Variants in MCC observed in about 807,000 individuals in gnomAD.
MCC encodes the protein MCC regulator of Wnt signaling pathway.
Under a neutral mutation model 116.2 loss-of-function variants are expected in MCC, and 90 were observed. The observed-to-expected ratio is 0.77, with a 90% CI of 0.65 to 0.92. The LOEUF is 0.92. MCC is among the 40% of genes least tolerant of loss of function. The pLI is 0.00. For synonymous variants in MCC, 578 were observed against 510.5 expected (o/e 1.13, Z -1.78); for missense variants, 1,516 against 1,312.2 (o/e 1.16, Z -2.40).
intron 2 of MCC, among the ~76,000 whole-genome samples, chr5:113,348,084 A>AAG (rs1357254228): frequency 2.6e-5 from 4 of 152,080 alleles, no homozygotes; most frequent in African/African-American, 7.2e-5. Context: ...ATTAGAGCTA[A>AAG]AGAGAGAGAG....
In MCC at chr5:113,359,158, A is replaced by G. The variant is rs143795549; in HGVS notation, c.416-18428T>C. 4.9e-3 allele frequency among the ~76,000 whole-genome samples: 751 copies of G among 152,298 alleles called. 7 individuals are homozygous for G. The highest frequency in any genetic ancestry group is 0.017 in the African/African-American group (719 of 41,564). On this transcript the variant is annotated intron_variant, in intron 2 of 18. Transcript: ENST00000408903. ...TTAGTGTCTTATTTAGAACATATAT[A>G]TGTTACACATATCCTATCTAGGGCC...
chr5:113,160,074 A>C (rs867393580), intron 3 of MCC, among the ~76,000 whole-genome samples: 1 of 152,118 alleles, frequency 6.6e-6, no homozygotes, highest in African/African-American at 2.4e-5. Flanking sequence ...CTCCTTCAAC[A>C]CCGCAGCAGT....
intron 1 of MCC, among the ~76,000 whole-genome samples, chr5:113,459,418 G>T (rs1159888404): frequency 6.6e-6 from 1 of 151,756 alleles, no homozygotes; most frequent in African/African-American, 2.4e-5. Flanking sequence ...GGTGCCTGTA[G>T]TCCCAGCTAC....
intron 3 of MCC, among the ~76,000 whole-genome samples, chr5:113,210,378 G>T (rs1763084079): frequency 6.7e-6 from 1 of 150,048 alleles, no homozygotes; most frequent in Non-Finnish European, 1.5e-5. Flanking sequence ...TGCATATGAA[G>T]CCCATATCTT....
At chr5:113,212,949 A>G (rs1008690889) in intron 3 of MCC, among the ~76,000 whole-genome samples, 4 of 152,156 alleles carry the variant, frequency 2.6e-5, no homozygotes, top group Non-Finnish European at 5.9e-5. Flanking sequence ...TTTACCTGTC[A>G]TTTACTTTAA....
At chr5:113,413,666 T>C (rs1770058135) in intron 1 of MCC, among the ~76,000 whole-genome samples, 1 of 152,190 alleles carries the variant, frequency 6.6e-6, no homozygotes, top group Non-Finnish European at 1.5e-5. Context: ...CTCTCTTTTC[T>C]TCTTTATTAG....
At chr5:113,405,792 C>T (rs544628129) in intron 1 of MCC, among the ~76,000 whole-genome samples, 50 of 150,754 alleles carry the variant, frequency 3.3e-4, no homozygotes, top group African/African-American at 9.8e-4. Flanking sequence ...AGGTGATGAG[C>T]GAGACCCTAT....
At chr5:113,121,015 C>T (rs1208522739) in intron 6 of MCC, among the ~76,000 whole-genome samples, 1 of 152,222 alleles carries the variant, frequency 6.6e-6, no homozygotes, top group Non-Finnish European at 1.5e-5. Context: ...GCCCTATTGG[C>T]GAATGGCCCT....
chr5:113,226,055 A>T (rs1581276413), intron 3 of MCC, among the ~76,000 whole-genome samples: 1 of 152,384 alleles, frequency 6.6e-6, no homozygotes, highest in East Asian at 1.9e-4. Context: ...AGGTGCCTGT[A>T]ATTCCAGCTA....
intron 3 of MCC, among the ~76,000 whole-genome samples, chr5:113,311,211 C>A (rs1767127657): frequency 6.6e-6 from 1 of 152,212 alleles, no homozygotes; most frequent in African/African-American, 2.4e-5. Flanking sequence ...TGGCCCCATA[C>A]TTTACCCATG....
At chr5:113,230,038 G>A (rs1763886196) in intron 3 of MCC, among the ~76,000 whole-genome samples, 5 of 152,164 alleles carry the variant, frequency 3.3e-5, no homozygotes, top group Admixed American at 3.3e-4. Flanking sequence ...GTCAAAGGAT[G>A]GAAGCAAATT....
intron 2 of MCC, among the ~76,000 whole-genome samples, chr5:113,343,554 C>A (rs1373115011): frequency 6.6e-6 from 1 of 152,228 alleles, no homozygotes; most frequent in African/African-American, 2.4e-5. Flanking sequence ...GGAGTCCCCA[C>A]ATTGGACTGA....
chr5:113,441,048 G>T (rs961769599), intron 1 of MCC, among the ~76,000 whole-genome samples: 1 of 152,154 alleles, frequency 6.6e-6, no homozygotes, highest in Non-Finnish European at 1.5e-5. Flanking sequence ...AAAAAAACAA[G>T]TTCTGTCAAG....
intron 1 of MCC, among the ~76,000 whole-genome samples, chr5:113,465,343 T>C (rs1771872354): frequency 6.6e-6 from 1 of 152,120 alleles, no homozygotes. Context: ...AAAATTATGT[T>C]TTCTATCATG....
chr5:113,166,705 T>TTA (rs1554061299), intron 3 of MCC, among the ~76,000 whole-genome samples: 1 of 122,508 alleles, frequency 8.2e-6, no homozygotes, highest in African/African-American at 3.1e-5. Context: ...ATCATTTATT[T>TTA]AAAAAAAAAA....
rs73778920 is a variant in MCC, at chr5:113,093,198, G to C, written c.1399-7888C>G. On this transcript the variant is annotated intron_variant, in intron 8 of 18. Transcript: ENST00000408903. ...GGATATTATATGGGATAAATTATTTGCAAGGAATAAATTAAAAGAGGGACC... is the reference window on the plus strand; with the variant it reads ...GGATATTATATGGGATAAATTATTTCCAAGGAATAAATTAAAAGAGGGACC... Among the ~76,000 whole-genome samples, 1,133 of 152,288 alleles carry C rather than the reference G, an allele frequency of 7.4e-3. 14 individuals carry two copies. The highest frequency in any genetic ancestry group is 0.026 in the African/African-American group (1,073 of 41,570).
intron 16 of MCC, among the ~76,000 whole-genome samples, chr5:113,045,519 G>A (rs980842576): frequency 6.6e-6 from 1 of 152,168 alleles, no homozygotes; most frequent in Admixed American, 6.5e-5. Context: ...ATTACTAGAG[G>A]CCAGGCACAG....
At chr5:113,387,620 T>C (rs1769293667) in intron 1 of MCC, among the ~76,000 whole-genome samples, 1 of 152,232 alleles carries the variant, frequency 6.6e-6, no homozygotes, top group African/African-American at 2.4e-5. Flanking sequence ...ATTAATATTC[T>C]CTGATTGGTA....
At chr5:113,150,726 T>C (rs1759806779) in intron 4 of MCC, among the ~76,000 whole-genome samples, 1 of 152,038 alleles carries the variant, frequency 6.6e-6, no homozygotes, top group Middle Eastern at 3.4e-3. Context: ...ATGATAGAAG[T>C]CCTTGAAAAA....
Sources: gnomAD v4.1 joint callset for allele counts (sites outside exome capture counted in the v4.1 genomes callset) on GRCh38, gnomAD v4.1.1 for gene constraint, MANE v1.5 for transcripts, NCBI Gene and HGNC (gene_info 2026-07-23, HGNC 2026-07-21) for gene names.